STC2: variants seen among roughly 807,000 people sequenced by gnomAD.
STC2 encodes stanniocalcin 2, also known as stanniocalcin-2.
Under a neutral mutation model 22.7 loss-of-function variants are expected in STC2, and 7 were observed. That is an observed-to-expected ratio of 0.31 (90% CI 0.18 to 0.58). STC2 has a LOEUF of 0.58. Ranked by LOEUF, STC2 falls within the 20% of genes least tolerant of loss-of-function variation. The pLI, the probability that STC2 is intolerant of heterozygous loss-of-function variation, is 0.89. For missense variants in STC2, 336 were observed against 406.2 expected (o/e 0.83, Z 1.48); for synonymous variants, 158 against 163.4 (o/e 0.97, Z 0.25).
rs771576602 is a variant in STC2, at chr5:173,325,603, G to T, written c.294+265C>A. Reference sequence around the variant, plus strand: ...AGTGGGCTTTGGAGACTGAGTTCTGGGTGGCCAGACACAGCGTGTCCCCTT... The same window carrying T: ...AGTGGGCTTTGGAGACTGAGTTCTGTGTGGCCAGACACAGCGTGTCCCCTT... On this transcript the variant is annotated intron_variant, in intron 2 of 3. Coordinates refer to ENST00000265087, the MANE Select transcript of STC2 (RefSeq NM_003714.3). The surrounding 1 kb of genome is among the most constrained non-coding windows in gnomAD (Gnocchi z 4.7). 9.2e-5 allele frequency among the ~76,000 whole-genome samples: 14 copies of T among 152,136 alleles called. No individual in the cohort carries two copies. Among genetic ancestry groups the T allele is most frequent in the Non-Finnish European group, 1.9e-4 (13 of 68,020 alleles).
rs564815291 is a variant in STC2, at chr5:173,316,340, A to G, written c.*1507T>C. ...GGATTCAGTATCTGGCCCTTTGCAG[A>G]CAATGTTTGCTGACCCCCTACTCCA... On this transcript the variant is annotated 3_prime_UTR_variant, in exon 4 of 4. Coordinates refer to ENST00000265087, the MANE Select transcript of STC2 (RefSeq NM_003714.3). The G allele has an allele frequency of 2.0e-5, 3 of 152,172 alleles. No homozygotes were observed. The highest frequency in any genetic ancestry group is 7.2e-5 in the African/African-American group (3 of 41,510). 9.4% of individuals were successfully genotyped at this position (152,172 alleles called of 1,614,324 possible).
In STC2 at chr5:173,320,275, C is replaced by T. The variant is rs146671547; in HGVS notation, c.507-2026G>A. ...GGCGTTCTGTCTGCCAGATGAGCCCCCAGAAGCCCAGGGCGGATCTGGATC... is the reference window on the plus strand; with the variant it reads ...GGCGTTCTGTCTGCCAGATGAGCCCTCAGAAGCCCAGGGCGGATCTGGATC... On this transcript the variant is annotated intron_variant, in intron 3 of 3. Coordinates refer to ENST00000265087, the MANE Select transcript of STC2 (RefSeq NM_003714.3). Among the ~76,000 whole-genome samples, 49 of 152,324 alleles carry T rather than the reference C, an allele frequency of 3.2e-4. No homozygotes were observed. In the East Asian group the frequency reaches 9.5e-3, roughly 29 times the overall value.
chr5:173,317,602 T>C lies in STC2; in HGVS notation c.*245A>G. 2.7e-6 allele frequency: 1 copy of C among 365,918 alleles called. No homozygotes were observed. 22.7% of individuals were successfully genotyped at this position (365,918 alleles called of 1,614,324 possible). The stretch of plus-strand genomic sequence containing the variant: ...TGGAAAGAAGACAAAGGTACGAGGA[T>C]AACGCGGGCGCGCTCCCTTGAGTAC... On this transcript the variant is annotated 3_prime_UTR_variant, in exon 4 of 4. Transcript: ENST00000265087.
chr5:173,323,846 C>T lies in STC2; in HGVS notation c.295-416G>A, dbSNP rs1762514488. Reference sequence around the variant, plus strand: ...ATCCCTCACGGTTCTCACAAGCAGTCTTCCCTAAGTGGAAGGTGCCTGCAT... The same window carrying T: ...ATCCCTCACGGTTCTCACAAGCAGTTTTCCCTAAGTGGAAGGTGCCTGCAT... On this transcript the variant is annotated intron_variant, in intron 2 of 3. Transcript: ENST00000265087. This position sits in a 1 kb window ranked among gnomAD's most constrained non-coding sequence, Gnocchi z 5.4. Among the ~76,000 whole-genome samples the T allele has an allele frequency of 6.6e-6, 1 of 152,140 alleles. No homozygotes were observed. The highest frequency in any genetic ancestry group is 2.1e-4 in the South Asian group (1 of 4,820).
rs1386948766 is a variant in STC2, at chr5:173,325,105, C to T, written c.294+763G>A. Among the ~76,000 whole-genome samples, 2 of 152,190 alleles carry T rather than the reference C, an allele frequency of 1.3e-5. No individual in the cohort carries two copies. Among genetic ancestry groups the T allele is most frequent in the African/African-American group, 2.4e-5 (1 of 41,446 alleles). ...TTGCTCTCCAATGAAGCAGGAGAGACGTTTCTGAGATATAGTAACAGGGCG... is the reference window on the plus strand; with the variant it reads ...TTGCTCTCCAATGAAGCAGGAGAGATGTTTCTGAGATATAGTAACAGGGCG... On this transcript the variant is annotated intron_variant, in intron 2 of 3. Coordinates refer to ENST00000265087, the MANE Select transcript of STC2 (RefSeq NM_003714.3). This position sits in a 1 kb window ranked among gnomAD's most constrained non-coding sequence, Gnocchi z 4.7.
chr5:173,326,062 C>T (rs1340662780), intron 1 of STC2, 52 bp from the exon 2 acceptor site: 2 of 1,594,366 alleles, frequency 1.3e-6, no homozygotes. Context: ...CCATGCTGGG[C>T]AATGCAGAGA....
chr5:173,320,184 C>A (rs1240097768), intron 3 of STC2, among the ~76,000 whole-genome samples: 1 of 152,092 alleles, frequency 6.6e-6, no homozygotes, highest in Non-Finnish European at 1.5e-5. Flanking sequence ...CTTCAAGCTC[C>A]TTTCCCCAGA....
rs1762404374 is a variant in STC2, at chr5:173,315,087, T to C, written c.*2760A>G. 1 of 152,158 alleles carries C rather than the reference T, an allele frequency of 6.6e-6. No homozygotes were observed. The highest frequency in any genetic ancestry group is 2.4e-5 in the African/African-American group (1 of 41,424). The allele number at this position is 152,158 out of a possible 1,614,324, so 9.4% of individuals were successfully genotyped here. On this transcript the variant is annotated 3_prime_UTR_variant, in exon 4 of 4. Transcript: ENST00000265087. ...GCTATTTATTGATACAAAGGAGAGG[T>C]GTTCAGATCATCTTGTTAAGATGCA... is the stretch of plus-strand genomic sequence containing the variant.
rs773075267 is a variant in STC2, at chr5:173,325,894, G to T, written c.268C>A (p.His90Asn). 3 of 1,614,160 alleles carry T rather than the reference G, an allele frequency of 1.9e-6. No homozygotes were observed. Among genetic ancestry groups the T allele is most frequent in the Non-Finnish European group, 2.5e-6 (3 of 1,180,036 alleles). Residue 90 changes from histidine to asparagine, a missense_variant, in exon 2 of 4, where the codon CAC becomes AAC. By Grantham distance (68) the His-to-Asn change is moderately conservative. Around this residue, in one of 3 missense-constraint regions of STC2, gnomAD observed 99 missense variants for 122.7 expected, o/e 0.81. Coordinates refer to ENST00000265087, the MANE Select transcript of STC2 (RefSeq NM_003714.3). This position sits in a 1 kb window ranked among gnomAD's most constrained non-coding sequence, Gnocchi z 4.7. ...GLHGICMTFL[H>N]NAGKFDAQGK... ...TGGGCATCAAATTTTCCAGCGTTGT[G>T]CAGAAAAGTCATGCAAATCCCATGT...
rs1459533013 is a variant in STC2 at position 173,325,957 on chromosome 5, C to T, written c.205G>A (p.Glu69Lys). Residue 69 changes from glutamate to lysine, a missense_variant, in exon 2 of 4, where the codon GAA becomes AAA. Glu to Lys is a moderately conservative substitution (Grantham distance 56). This residue lies in a region of STC2 where 99 missense variants were observed against 122.7 expected (regional missense o/e 0.81). Coordinates refer to ENST00000265087, the MANE Select transcript of STC2 (RefSeq NM_003714.3). This position sits in a 1 kb window ranked among gnomAD's most constrained non-coding sequence, Gnocchi z 4.7. ...TCACAAGAGTTGTTCTCGAAACATT[C>T]AAACACGCCACACCCCACATCGCCA... ...NAGDVGCGVF[E>K]CFENNSCEIR... is the part of the protein sequence containing the mutation. 6.2e-7 allele frequency: 1 copy of T among 1,614,232 alleles called. No homozygotes were observed. Among genetic ancestry groups the T allele is most frequent in the Non-Finnish European group, 8.5e-7 (1 of 1,180,038 alleles).
In STC2 at chr5:173,323,621, A is replaced by C. The variant is rs1561643892; in HGVS notation, c.295-191T>G. On this transcript the variant is annotated intron_variant, in intron 2 of 3. Transcript: ENST00000265087. This position sits in a 1 kb window ranked among gnomAD's most constrained non-coding sequence, Gnocchi z 5.4. ...CATCCGGAGGCACGTCCAGAGTGAC[A>C]TGACACCCCCAGCACTGGGCAACAA... Among the ~76,000 whole-genome samples, 1 of 152,160 alleles carries C rather than the reference A, an allele frequency of 6.6e-6. No individual in the cohort carries two copies. The highest frequency in any genetic ancestry group is 1.9e-4 in the East Asian group (1 of 5,184).
chr5:173,327,833 A>G (rs1290996522), intron 1 of STC2, among the ~76,000 whole-genome samples: 1 of 152,064 alleles, frequency 6.6e-6, no homozygotes, highest in Non-Finnish European at 1.5e-5. Flanking sequence ...CCATTTCATC[A>G]CCCTGCTAGC....
At position 173,316,945 on chromosome 5, in the gene STC2, C is replaced by T. The variant is rs1448258913; in HGVS notation, c.*902G>A. The T allele has an allele frequency of 1.3e-5, 2 of 151,852 alleles. No individual in the cohort carries two copies. Among genetic ancestry groups the T allele is most frequent in the Non-Finnish European group, 2.9e-5 (2 of 67,990 alleles). The allele number at this position is 151,852 out of a possible 1,614,324, so 9.4% of individuals were successfully genotyped here. A position where few individuals can be genotyped will look rare whatever the true frequency, so the allele number is the denominator to read the frequency against. On this transcript the variant is annotated 3_prime_UTR_variant, in exon 4 of 4. Transcript: ENST00000265087. Reference sequence around the variant, plus strand: ...CCATGTCAGGCAGTCAGATGTATGGCTATGTCGCTGTTTGATAGCTTTTAA... The same window carrying T: ...CCATGTCAGGCAGTCAGATGTATGGTTATGTCGCTGTTTGATAGCTTTTAA...
chr5:173,316,732 T>G lies in STC2; in HGVS notation c.*1115A>C, dbSNP rs938167571. ...AAGTAGTCTTCATTCTCTTCTTTCC[T>G]TTCCCATCCCCTCACATGGAGAAGC... On this transcript the variant is annotated 3_prime_UTR_variant, in exon 4 of 4. Transcript: ENST00000265087. 5.9e-5 allele frequency: 9 copies of G among 152,156 alleles called. No homozygotes were observed. The highest frequency in any genetic ancestry group is 1.3e-4 in the Non-Finnish European group (9 of 68,036). 9.4% of individuals were successfully genotyped at this position (152,156 alleles called of 1,614,324 possible).
chr5:173,320,746 G>A (rs1265214326), intron 3 of STC2, among the ~76,000 whole-genome samples: 2 of 151,828 alleles, frequency 1.3e-5, no homozygotes, highest in Non-Finnish European at 2.9e-5. Context: ...TGGGGGTGGT[G>A]CAGATTCTGG....
At position 173,325,382 on chromosome 5, in the gene STC2, G is replaced by A. The variant is rs577380403; in HGVS notation, c.294+486C>T. On this transcript the variant is annotated intron_variant, in intron 2 of 3. Transcript: ENST00000265087. This position sits in a 1 kb window ranked among gnomAD's most constrained non-coding sequence, Gnocchi z 4.7. ...AACTGAAGGACTCAATCAGGGTTTC[G>A]ACCGGTCAGCTTGGGAGAGAAAGAT... 1.3e-5 allele frequency among the ~76,000 whole-genome samples: 2 copies of A among 152,148 alleles called. No homozygotes were observed. The highest frequency in any genetic ancestry group is 1.5e-5 in the Non-Finnish European group (1 of 68,034).
chr5:173,318,204 C>A lies in STC2; in HGVS notation c.552G>T (p.Glu184Asp). The A allele has an allele frequency of 6.5e-7, 1 of 1,536,580 alleles. No homozygotes were observed. Among genetic ancestry groups the A allele is most frequent in the Non-Finnish European group, 8.8e-7 (1 of 1,141,442 alleles). ...CGCTGTGGGTGATGGCCTCCTTCACCTCCTCCCCACAGGTCAGCAGCAAGT... is the reference window on the plus strand; with the variant it reads ...CGCTGTGGGTGATGGCCTCCTTCACATCCTCCCCACAGGTCAGCAGCAAGT... ...LVNLLLTCGE[E>D]VKEAITHSVQ... The change falls in exon 4 of 4, where the codon GAG becomes GAT. Residue 184 changes from glutamate to aspartate, a missense_variant. Glu to Asp is a conservative substitution (Grantham distance 45, BLOSUM62 2). This residue lies in a region of STC2 where 215 missense variants were observed against 231.5 expected (regional missense o/e 0.93). Coordinates refer to ENST00000265087, the MANE Select transcript of STC2 (RefSeq NM_003714.3).
chr5:173,327,082 GC>G (rs1359238963), intron 1 of STC2, among the ~76,000 whole-genome samples: 1 of 151,912 alleles, frequency 6.6e-6, no homozygotes, highest in Non-Finnish European at 1.5e-5. Flanking sequence ...GGGGGTGCCG[GC>G]CCCAGCATGT....
intron 3 of STC2, among the ~76,000 whole-genome samples, chr5:173,322,627 T>C (rs1762501145): frequency 6.6e-6 from 1 of 152,124 alleles, no homozygotes; most frequent in African/African-American, 2.4e-5. Flanking sequence ...ATAGCTCTGT[T>C]TTCGGGATTT....
Sources: allele counts gnomAD v4.1 joint callset (sites outside exome capture counted in the v4.1 genomes callset), GRCh38; gene constraint gnomAD v4.1.1; regional missense constraint gnomAD v4.1.1; non-coding constraint Gnocchi (gnomAD v3.1); transcripts MANE v1.5; gene names NCBI Gene and HGNC (gene_info 2026-07-23, HGNC 2026-07-21).